Variants in EFNA5 observed in about 807,000 individuals in gnomAD.
EFNA5 encodes ephrin-A5.
In EFNA5, 5 loss-of-function variants were observed where a neutral mutation model predicts 22.9. The observed-to-expected ratio is 0.22, with a 90% CI of 0.11 to 0.46. EFNA5 has a LOEUF of 0.46. EFNA5 is among the 20% of genes least tolerant of loss of function. The pLI is 0.99. For synonymous variants in EFNA5, 113 were observed against 112.2 expected, an observed-to-expected ratio of 1.01 and a Z score of -0.04; for missense variants, 237 against 293.3, an observed-to-expected ratio of 0.81 and a Z score of 1.40.
At chr5:107,550,630 A>G (rs1161709734) in intron 1 of EFNA5, among the ~76,000 whole-genome samples, 2 of 152,200 alleles carry the variant, frequency 1.3e-5, no homozygotes, top group African/African-American at 2.4e-5. Context: ...CTATATTGAA[A>G]TAAAATGTAT....
chr5:107,429,207 C>CTGGG (rs1167011062), intron 1 of EFNA5, among the ~76,000 whole-genome samples: 17 of 152,350 alleles, frequency 1.1e-4, no homozygotes, highest in African/African-American at 4.1e-4. Context: ...CTTTGGGAGG[C>CTGGG]TGGGGCAGGC....
At chr5:107,461,393 T>C (rs1749830709) in intron 1 of EFNA5, among the ~76,000 whole-genome samples, 1 of 152,026 alleles carries the variant, frequency 6.6e-6, no homozygotes, top group Non-Finnish European at 1.5e-5. Context: ...TACCACTTAG[T>C]AAGTCACTGA....
intron 1 of EFNA5, among the ~76,000 whole-genome samples, chr5:107,434,943 T>C (rs1277379882): frequency 6.6e-6 from 1 of 152,200 alleles, no homozygotes; most frequent in African/African-American, 2.4e-5. Context: ...GAAATTGAAA[T>C]GTAAAAGAAG....
intron 2 of EFNA5, among the ~76,000 whole-genome samples, chr5:107,399,414 G>GGA (rs371664667): frequency 0.027 from 4,043 of 148,946 alleles, 176 homozygotes; most frequent in African/African-American, 0.092. Flanking sequence ...AAGGAAGGAA[G>GGA]GAGAGAGAGA....
chr5:107,429,237 G>A (rs1397102456), intron 1 of EFNA5, among the ~76,000 whole-genome samples: 1 of 152,234 alleles, frequency 6.6e-6, no homozygotes, highest in Non-Finnish European at 1.5e-5. Flanking sequence ...GAGTCCAGGA[G>A]TTTGAGACCA....
intron 1 of EFNA5, among the ~76,000 whole-genome samples, chr5:107,542,730 T>C (rs188864665): frequency 1.3e-3 from 203 of 152,308 alleles, no homozygotes; most frequent in African/African-American, 4.6e-3. Context: ...CAACTCTGGC[T>C]GGGGTCTAGA....
chr5:107,617,205 C>CACAT (rs1306302852), intron 1 of EFNA5, among the ~76,000 whole-genome samples: 3 of 126,548 alleles, frequency 2.4e-5, no homozygotes, highest in African/African-American at 1.2e-4. Flanking sequence ...CTTACATGTG[C>CACAT]ACATACACAC....
chr5:107,482,832 GTCTCTCTCTCTCTCTCTC>G (rs59574940), intron 1 of EFNA5, among the ~76,000 whole-genome samples: 2 of 94,066 alleles, frequency 2.1e-5, no homozygotes, highest in African/African-American at 4.6e-5. Context: ...CTCTGTCTCT[GTCTCTCTCTCTCTCTCTC>G]TCTCTCTCTC....
intron 1 of EFNA5, among the ~76,000 whole-genome samples, chr5:107,567,305 G>A (rs956937092): frequency 3.3e-5 from 5 of 152,176 alleles, no homozygotes; most frequent in Admixed American, 6.5e-5. Flanking sequence ...AGAGAAAAAT[G>A]TATATAAGTT....
rs1334719336 is a variant in EFNA5, at chr5:107,377,896, G to A, written c.*3359C>T. On this transcript the variant is annotated 3_prime_UTR_variant, in exon 5 of 5. Transcript: ENST00000333274. ...CAACATCAGACCTTGAAAACACCGA[G>A]GACAAAATATCGATCAAAAAAGTCA... 1 of 152,152 alleles carries A rather than the reference G, an allele frequency of 6.6e-6. No individual in the cohort carries two copies. The highest frequency in any genetic ancestry group is 1.5e-5 in the Non-Finnish European group (1 of 68,022). 9.4% of individuals were successfully genotyped at this position (152,152 alleles called of 1,614,324 possible).
At chr5:107,546,846 T>C (rs896216567) in intron 1 of EFNA5, among the ~76,000 whole-genome samples, 6 of 152,308 alleles carry the variant, frequency 3.9e-5, no homozygotes, top group Admixed American at 3.3e-4. Flanking sequence ...GATCCGGTCA[T>C]GTGACTCCTT....
At chr5:107,546,662 A>ACT (rs1748164449) in intron 1 of EFNA5, among the ~76,000 whole-genome samples, 1 of 122,526 alleles carries the variant, frequency 8.2e-6, no homozygotes, top group Admixed American at 8.6e-5. Context: ...ACACACACAC[A>ACT]CACACACACA....
intron 1 of EFNA5, among the ~76,000 whole-genome samples, chr5:107,600,488 CTCT>C (rs1318486880): frequency 6.6e-6 from 1 of 151,434 alleles, no homozygotes; most frequent in Non-Finnish European, 1.5e-5. Flanking sequence ...AAAAATGTTT[CTCT>C]TTTTTTTTTT....
At chr5:107,402,811 G>A (rs545409455) in intron 2 of EFNA5, among the ~76,000 whole-genome samples, 3 of 152,130 alleles carry the variant, frequency 2.0e-5, no homozygotes, top group South Asian at 2.1e-4. Context: ...TCAAGTCTTC[G>A]GGCAAATTTC....
Position 107,620,911 on chromosome 5 carries a change from T to C in EFNA5, c.125+49578A>G, listed in dbSNP as rs143888128. 1.4e-3 allele frequency among the ~76,000 whole-genome samples: 218 copies of C among 152,138 alleles called. 1 individual carries two copies. The highest frequency in any genetic ancestry group is 4.9e-3 in the African/African-American group (204 of 41,478). On this transcript the variant is annotated intron_variant, in intron 1 of 4. Transcript: ENST00000333274. ...GAAGAATAAACAGGAACCAATAAGG[T>C]GGAGCAGAGGAGTAAGAAAAATCCA...
intron 1 of EFNA5, among the ~76,000 whole-genome samples, chr5:107,467,590 T>C (rs534599717): frequency 2.6e-5 from 4 of 152,326 alleles, no homozygotes; most frequent in East Asian, 3.9e-4. Context: ...TATGCGCACA[T>C]GGCAAAAGTT....
chr5:107,670,406 G>A, intron 1 of EFNA5, 83 bp downstream of exon 1: 2 of 1,456,442 alleles, frequency 1.4e-6, no homozygotes, highest in South Asian at 2.7e-5. Context: ...CCAGCGGTTG[G>A]TGCGCGCCGA....
chr5:107,661,909 A>G (rs148279785), intron 1 of EFNA5, among the ~76,000 whole-genome samples: 82 of 152,254 alleles, frequency 5.4e-4, no homozygotes, highest in African/African-American at 1.9e-3. Context: ...TCAAACCACA[A>G]CACTGCCTGT....
intron 1 of EFNA5, among the ~76,000 whole-genome samples, chr5:107,570,033 A>G (rs1014664917): frequency 6.6e-6 from 1 of 152,144 alleles, no homozygotes; most frequent in East Asian, 1.9e-4. Context: ...TAGAAAGCTG[A>G]CATAGCATGA....
Sources: allele counts gnomAD v4.1 joint callset (sites outside exome capture counted in the v4.1 genomes callset), GRCh38; gene constraint gnomAD v4.1.1; transcripts MANE v1.5; gene names NCBI Gene and HGNC (gene_info 2026-07-23, HGNC 2026-07-21).